PAPPA: variants seen among roughly 807,000 people sequenced by gnomAD.
The protein encoded by PAPPA is pappalysin 1, also known as pappalysin-1.
Under a neutral mutation model 164.0 loss-of-function variants are expected in PAPPA, and 60 were observed. The ratio of observed to expected loss-of-function variants is 0.37; its 90% CI spans 0.30 to 0.45. The LOEUF (loss-of-function observed/expected upper bound fraction) is 0.45. Among genes scored for constraint, PAPPA ranks in the 20% least tolerant of loss-of-function variants. The pLI is 1.00. For missense variants in PAPPA, 1,782 were observed against 2,087.3 expected (o/e 0.85, Z 2.85); for synonymous variants, 875 against 814.1 (o/e 1.07, Z -1.27).
intron 8 of PAPPA, among the ~76,000 whole-genome samples, chr9:116,266,762 A>G (rs530081522): frequency 1.3e-5 from 2 of 152,330 alleles, no homozygotes; most frequent in South Asian, 4.1e-4. Flanking sequence ...AGAATAAGAA[A>G]AAAAGTTTTC....
Position 116,353,704 on chromosome 9 carries a change from C to T in PAPPA, c.4258C>T (p.Pro1420Ser). 1 of 1,614,110 alleles carries T rather than the reference C, an allele frequency of 6.2e-7. No individual in the cohort carries two copies. Among genetic ancestry groups the T allele is most frequent in the Non-Finnish European group, 8.5e-7 (1 of 1,179,994 alleles). The change falls in exon 17 of 22, where the codon CCA becomes TCA. Residue 1420 changes from proline (P) to serine (S), a missense_variant. Coordinates refer to ENST00000328252, the MANE Select transcript of PAPPA (RefSeq NM_002581.5). ...CVPVTCDPPP[P>S]KFHGLYQCTN... Reference sequence around the variant, plus strand: ...TCCTGTGACCTGTGACCCACCTCCACCAAAATTCCATGGGCTCTACCAGTG... The same window carrying T: ...TCCTGTGACCTGTGACCCACCTCCATCAAAATTCCATGGGCTCTACCAGTG...
At chr9:116,184,332 C>T (rs72752150) in intron 1 of PAPPA, among the ~76,000 whole-genome samples, 40,593 of 152,080 alleles carry the variant, frequency 0.27, 6,550 homozygotes, top group Non-Finnish European at 0.36. Flanking sequence ...TCTAAGCTGA[C>T]GGGATCTATG....
At chr9:116,226,887 A>G (rs1844517416) in intron 5 of PAPPA, among the ~76,000 whole-genome samples, 1 of 152,192 alleles carries the variant, frequency 6.6e-6, no homozygotes, top group Non-Finnish European at 1.5e-5. Context: ...TCGAGGAGTG[A>G]CTCATCCATC....
rs148743273 is a variant in PAPPA at position 116,342,631 on chromosome 9, G to A, written c.3612-1912G>A. Among the ~76,000 whole-genome samples, 581 of 152,184 alleles carry A rather than the reference G, an allele frequency of 3.8e-3. 4 individuals are homozygous for A. The highest frequency in any genetic ancestry group is 0.013 in the African/African-American group (529 of 41,508). ...CCAGTAAAACCCTCAGTTGGGTATC[G>A]TGAAACTGAGAGAAAACAAAAAACA... is the stretch of plus-strand genomic sequence containing the variant. On this transcript the variant is annotated intron_variant, in intron 13 of 21. Coordinates refer to ENST00000328252, the MANE Select transcript of PAPPA (RefSeq NM_002581.5).
chr9:116,372,419 A>AC (rs1846587325), intron 19 of PAPPA, among the ~76,000 whole-genome samples: 1 of 152,052 alleles, frequency 6.6e-6, no homozygotes, highest in Non-Finnish European at 1.5e-5. Context: ...ACTAATTTTG[A>AC]CTTTTTTTAA....
intron 6 of PAPPA, among the ~76,000 whole-genome samples, chr9:116,231,077 A>G (rs929424179): frequency 2.0e-5 from 3 of 151,668 alleles, no homozygotes; most frequent in African/African-American, 7.3e-5. Flanking sequence ...GCTGCAGTGT[A>G]TATATATATA....
intron 15 of PAPPA, among the ~76,000 whole-genome samples, chr9:116,351,591 T>G (rs16933450): frequency 0.036 from 5,549 of 152,266 alleles, 352 homozygotes; most frequent in African/African-American, 0.13. Context: ...AACTTCCCAT[T>G]AAAAACAACC....
intron 1 of PAPPA, among the ~76,000 whole-genome samples, chr9:116,163,495 C>G (rs1047122472): frequency 1.3e-5 from 2 of 152,158 alleles, no homozygotes; most frequent in Non-Finnish European, 2.9e-5. Flanking sequence ...GCAAGTCACT[C>G]TCCCTCTCAG....
At chr9:116,166,309 C>T (rs948308778) in intron 1 of PAPPA, among the ~76,000 whole-genome samples, 4 of 152,164 alleles carry the variant, frequency 2.6e-5, no homozygotes, top group South Asian at 2.1e-4. Context: ...CCTTGGTCTT[C>T]GCCTCTCAGC....
At position 116,320,552 on chromosome 9, in the gene PAPPA, T is replaced by C. The variant is rs1372645904; in HGVS notation, c.3148-10692T>C. On this transcript the variant is annotated intron_variant, in intron 10 of 21. Coordinates refer to ENST00000328252, the MANE Select transcript of PAPPA (RefSeq NM_002581.5). ...TCTGTCTATGCCGAATAATAAATGC[T>C]CATATTGAAAGAAACGCAAACCACC... is the stretch of plus-strand genomic sequence containing the variant. 2.0e-5 allele frequency among the ~76,000 whole-genome samples: 3 copies of C among 152,156 alleles called. No homozygotes were observed. The East Asian group carries it at 5.8e-4, about 29-fold the overall frequency.
At chr9:116,203,845 A>T (rs1844199895) in intron 2 of PAPPA, among the ~76,000 whole-genome samples, 1 of 152,214 alleles carries the variant, frequency 6.6e-6, no homozygotes, top group South Asian at 2.1e-4. Flanking sequence ...AGGAAGAAAG[A>T]TTGCAAGGCA....
chr9:116,170,778 C>A (rs1843767728), intron 1 of PAPPA, among the ~76,000 whole-genome samples: 1 of 151,968 alleles, frequency 6.6e-6, no homozygotes, highest in Admixed American at 6.6e-5. Flanking sequence ...TCCATCCTTC[C>A]ATTCTTGGAT....
rs1288691063 is a variant in PAPPA at position 116,273,941 on chromosome 9, G to A, written c.2953+2525G>A. On this transcript the variant is annotated intron_variant, in intron 9 of 21. Coordinates refer to ENST00000328252, the MANE Select transcript of PAPPA (RefSeq NM_002581.5). ...AGCACATTTATAAACTCTTATTCTC[G>A]TAACAACTCTTTTACTGAACTGCTC... 5.3e-5 allele frequency among the ~76,000 whole-genome samples: 8 copies of A among 152,012 alleles called. No individual in the cohort carries two copies. The East Asian group carries it at 5.8e-4, about 11-fold the overall frequency.
chr9:116,240,268 C>A (rs1461918530), intron 7 of PAPPA, among the ~76,000 whole-genome samples: 3 of 152,166 alleles, frequency 2.0e-5, no homozygotes, highest in Non-Finnish European at 4.4e-5. Context: ...ACTCAAGGTG[C>A]TCACAGTCTA....
intron 8 of PAPPA, among the ~76,000 whole-genome samples, chr9:116,269,360 G>A (rs1845111697): frequency 6.6e-6 from 1 of 152,148 alleles, no homozygotes; most frequent in Non-Finnish European, 1.5e-5. Flanking sequence ...TGACAACTCT[G>A]CAAAACTAAC....
intron 11 of PAPPA, among the ~76,000 whole-genome samples, chr9:116,331,945 G>A (rs1339462259): frequency 6.6e-6 from 1 of 152,194 alleles, no homozygotes; most frequent in Non-Finnish European, 1.5e-5. Flanking sequence ...GTGGGTTTTA[G>A]TGTGGACCGG....
At chr9:116,261,853 T>C (rs1845006001) in intron 7 of PAPPA, among the ~76,000 whole-genome samples, 3 of 151,972 alleles carry the variant, frequency 2.0e-5, no homozygotes, top group Non-Finnish European at 2.9e-5. Context: ...ATTTGCGATA[T>C]GTGTTAAAGA....
chr9:116,167,779 A>T (rs935660078), intron 1 of PAPPA, among the ~76,000 whole-genome samples: 2 of 152,196 alleles, frequency 1.3e-5, no homozygotes, highest in Admixed American at 6.5e-5. Flanking sequence ...CTTTACAGAA[A>T]AGCCCCTCAA....
rs766295578 is a variant in PAPPA at position 116,396,657 on chromosome 9, C to A, written c.*41C>A. On this transcript the variant is annotated 3_prime_UTR_variant, in exon 22 of 22. Coordinates refer to ENST00000328252, the MANE Select transcript of PAPPA (RefSeq NM_002581.5). ...TGTCAAAGAATTCCCAACGCCAGGA[C>A]CCACATCCCTTTGGTATTGATTTCA... The A allele has an allele frequency of 1.2e-5, 9 of 774,370 alleles. No homozygotes were observed. The highest frequency in any genetic ancestry group is 2.2e-5 in the Non-Finnish European group (9 of 414,388). The allele number at this position is 774,370 out of a possible 1,614,324, so 48.0% of individuals were successfully genotyped here. A position where few individuals can be genotyped will look rare whatever the true frequency, so the allele number is the denominator to read the frequency against.
Sources: gnomAD v4.1 joint callset for allele counts (sites outside exome capture counted in the v4.1 genomes callset) on GRCh38, gnomAD v4.1.1 for gene constraint, MANE v1.5 for transcripts, NCBI Gene and HGNC (gene_info 2026-07-23, HGNC 2026-07-21) for gene names.